WDR72: variants seen among roughly 807,000 people sequenced by gnomAD.
WDR72 encodes WD repeat domain 72.
In WDR72, 120 loss-of-function variants were observed where a neutral mutation model predicts 124.2. The observed-to-expected ratio is 0.97, with a 90% CI of 0.83 to 1.12. WDR72 has a LOEUF of 1.12. Among genes scored for constraint, WDR72 ranks in the 50% most tolerant of loss-of-function variants. The probability of loss-of-function intolerance (pLI) is 0.00; values close to 1 mark genes in which losing one functional copy is unlikely to be tolerated. For missense variants in WDR72, 1,387 were observed against 1,278.8 expected, an observed-to-expected ratio of 1.08 and a Z score of -1.29; for synonymous variants, 452 against 441.7, an observed-to-expected ratio of 1.02 and a Z score of -0.29.
At chr15:53,716,751 GC>G in intron 3 of WDR72, 66 bp from the exon 4 acceptor site, 2 of 1,246,258 alleles carry the variant, frequency 1.6e-6, no homozygotes, top group Non-Finnish European at 2.3e-6. Flanking sequence ...TAATTTTTGT[GC>G]CACCAAGTTT....
At chr15:53,677,981 T>G (rs190646518) in intron 13 of WDR72, among the ~76,000 whole-genome samples, 1 of 152,146 alleles carries the variant, frequency 6.6e-6, no homozygotes, top group Admixed American at 6.5e-5. Flanking sequence ...GGAGGGTGAT[T>G]AGGGAAAGTA....
chr15:53,686,355 G>T (rs998591586), intron 13 of WDR72, among the ~76,000 whole-genome samples: 11 of 151,796 alleles, frequency 7.2e-5, no homozygotes, highest in Non-Finnish European at 1.3e-4. Flanking sequence ...AAAATAAAAG[G>T]ATGGAGGAAA....
intron 18 of WDR72, among the ~76,000 whole-genome samples, chr15:53,573,500 C>T (rs971480546): frequency 1.6e-4 from 24 of 150,966 alleles, no homozygotes; most frequent in African/African-American, 5.6e-4. Context: ...ATGATTCTTG[C>T]TTGTAATTTT....
rs200886136 is a variant in WDR72 at position 53,671,944 on chromosome 15, A to C, written c.1766-6176T>G. ...AAGGGGAAGAGAAAAGAGAAAAAAAAGGGAAGAGGGAGAGGAGAGATGGGG... is the reference window on the plus strand; with the variant it reads ...AAGGGGAAGAGAAAAGAGAAAAAAACGGGAAGAGGGAGAGGAGAGATGGGG... On this transcript the variant is annotated intron_variant, in intron 13 of 19. Transcript: ENST00000360509. Among the ~76,000 whole-genome samples, 25 of 151,192 alleles carry C rather than the reference A, an allele frequency of 1.7e-4. No homozygotes were observed. In the East Asian group the frequency reaches 4.8e-3, roughly 29 times the overall value.
chr15:53,542,944 C>G (rs1332348559), intron 18 of WDR72, among the ~76,000 whole-genome samples: 1 of 151,710 alleles, frequency 6.6e-6, no homozygotes, highest in Non-Finnish European at 1.5e-5. Context: ...GAAGAGCTAA[C>G]TATCCTAAAT....
chr15:53,732,072 T>C (rs2018218346), intron 2 of WDR72, among the ~76,000 whole-genome samples: 2 of 152,214 alleles, frequency 1.3e-5, no homozygotes, highest in Admixed American at 1.3e-4. Context: ...GGAGCCACTA[T>C]TTTTAAAGCA....
chr15:53,680,018 T>G (rs962830348), intron 13 of WDR72, among the ~76,000 whole-genome samples: 2 of 152,144 alleles, frequency 1.3e-5, no homozygotes, highest in African/African-American at 4.8e-5. Context: ...ATTTTGGTTA[T>G]GTTGCTTTAC....
At chr15:53,671,070 A>G (rs2015968765) in intron 13 of WDR72, among the ~76,000 whole-genome samples, 1 of 152,102 alleles carries the variant, frequency 6.6e-6, no homozygotes, top group African/African-American at 2.4e-5. Flanking sequence ...GTCTGGCATA[A>G]ATTAAAGGCT....
At chr15:53,612,886 C>T (rs142345318) in intron 16 of WDR72, among the ~76,000 whole-genome samples, 377 of 151,212 alleles carry the variant, frequency 2.5e-3, no homozygotes, top group African/African-American at 8.4e-3. Context: ...ACAGGATGAA[C>T]GCTCACAGGG....
At chr15:53,570,247 A>G (rs750407814) in intron 18 of WDR72, among the ~76,000 whole-genome samples, 9 of 135,510 alleles carry the variant, frequency 6.6e-5, no homozygotes, top group Non-Finnish European at 6.3e-5. Flanking sequence ...TAACATATGT[A>G]TTACCTCATA....
At chr15:53,732,198 T>C (rs889724567) in intron 2 of WDR72, among the ~76,000 whole-genome samples, 2 of 152,322 alleles carry the variant, frequency 1.3e-5, no homozygotes, top group African/African-American at 2.4e-5. Context: ...TGATGGGAGA[T>C]GTTAATTAAT....
intron 1 of WDR72, among the ~76,000 whole-genome samples, chr15:53,749,304 T>C (rs1242550578): frequency 6.6e-6 from 1 of 152,196 alleles, no homozygotes; most frequent in Non-Finnish European, 1.5e-5. Context: ...TTTCAAACTT[T>C]GTCAATAACA....
intron 18 of WDR72, among the ~76,000 whole-genome samples, chr15:53,580,722 A>T (rs2011871503): frequency 6.6e-6 from 1 of 152,068 alleles, no homozygotes; most frequent in Non-Finnish European, 1.5e-5. Context: ...GCCTTAAAAA[A>T]AAAGTACAAC....
intron 13 of WDR72, among the ~76,000 whole-genome samples, chr15:53,671,857 A>C (rs1002865411): frequency 1.3e-5 from 2 of 152,066 alleles, no homozygotes; most frequent in Admixed American, 1.3e-4. Flanking sequence ...AGAAGATGCT[A>C]GTCTAAAGAT....
chr15:53,648,335 T>C (rs1350199072), intron 14 of WDR72, among the ~76,000 whole-genome samples: 3 of 152,170 alleles, frequency 2.0e-5, no homozygotes, highest in Non-Finnish European at 4.4e-5. Context: ...TAAATTACTC[T>C]GTACTCACCC....
intron 1 of WDR72, among the ~76,000 whole-genome samples, chr15:53,753,504 G>A (rs1401070851): frequency 6.6e-6 from 1 of 152,214 alleles, no homozygotes; most frequent in Non-Finnish European, 1.5e-5. Context: ...AAAAGTGGTA[G>A]AGGAAGTACA....
At position 53,673,149 on chromosome 15, in the gene WDR72, A is replaced by AGAAAC. The variant is rs917703641; in HGVS notation, c.1766-7386_1766-7382dup. ...AAAAAAGAAAAGAAAAGAAAAGAAAAGAAACTTGTTTTCAACTCCCATTGA... is the reference window on the plus strand; with the variant it reads ...AAAAAAGAAAAGAAAAGAAAAGAAAAGAAACGAAACTTGTTTTCAACTCCCATTGA... On this transcript the variant is annotated intron_variant, in intron 13 of 19. Transcript: ENST00000360509. Among the ~76,000 whole-genome samples the AGAAAC allele has an allele frequency of 7.3e-5, 11 of 150,344 alleles. 1 individual carries two copies. The South Asian group carries it at 1.5e-3, about 20-fold the overall frequency.
At chr15:53,531,574 G>A (rs1595734549) in intron 18 of WDR72, among the ~76,000 whole-genome samples, 1 of 152,052 alleles carries the variant, frequency 6.6e-6, no homozygotes, top group South Asian at 2.1e-4. Flanking sequence ...TTGATAAGTA[G>A]TAGAGTTTCA....
chr15:53,594,304 G>GA (rs143859371), intron 18 of WDR72, among the ~76,000 whole-genome samples: 1 of 150,678 alleles, frequency 6.6e-6, no homozygotes, highest in African/African-American at 2.4e-5. Flanking sequence ...AACCAAGAAA[G>GA]AAAAAAAGAA....
Sources: gnomAD v4.1 joint callset for allele counts (sites outside exome capture counted in the v4.1 genomes callset) on GRCh38, gnomAD v4.1.1 for gene constraint, MANE v1.5 for transcripts, NCBI Gene and HGNC (gene_info 2026-07-23, HGNC 2026-07-21) for gene names.